The following KIAA1217 variants were observed in gnomAD, a reference collection of about 807,000 sequenced individuals.
KIAA1217 encodes KIAA1217.
A neutral mutation model predicts 163.9 loss-of-function variants in KIAA1217; 88 were observed. The ratio of observed to expected loss-of-function variants is 0.54; its 90% confidence interval spans 0.45 to 0.64. The LOEUF (loss-of-function observed/expected upper bound fraction) is 0.64. Ranked by LOEUF, KIAA1217 falls within the 30% of genes least tolerant of loss-of-function variation. The probability of loss-of-function intolerance (pLI) is 0.00; values close to 1 mark genes in which losing one functional copy is unlikely to be tolerated. For synonymous variants in KIAA1217, 903 were observed against 923.1 expected (o/e 0.98, Z 0.39); for missense variants, 2,372 against 2,475.0 (o/e 0.96, Z 0.88).
At chr10:24,363,567 G>GT (rs1176059578) in intron 2 of KIAA1217, among the ~76,000 whole-genome samples, 4,040 of 128,214 alleles carry the variant, frequency 0.032, 230 homozygotes, top group African/African-American at 0.099. Context: ...TTTTGTTTTT[G>GT]TTTTTTTTTT....
chr10:24,143,370 G>T (rs576764602), intron 2 of KIAA1217, among the ~76,000 whole-genome samples: 1 of 152,198 alleles, frequency 6.6e-6, no homozygotes, highest in Non-Finnish European at 1.5e-5. Flanking sequence ...AGGTTCAAGC[G>T]ATTCTCCTGC....
chr10:24,544,718 G>C (rs1175623353), intron 19 of KIAA1217, among the ~76,000 whole-genome samples: 1 of 152,094 alleles, frequency 6.6e-6, no homozygotes, highest in African/African-American at 2.4e-5. Context: ...ACTGGTGTTG[G>C]GTAAACACGA....
intron 1 of KIAA1217, among the ~76,000 whole-genome samples, chr10:23,785,863 A>C (rs538930411): frequency 3.3e-5 from 5 of 152,262 alleles, no homozygotes; most frequent in Non-Finnish European, 7.3e-5. Context: ...GTAAAGGAGA[A>C]AGAAAAAAAG....
At chr10:24,391,004 G>T (rs1250491586) in intron 3 of KIAA1217, among the ~76,000 whole-genome samples, 1 of 152,140 alleles carries the variant, frequency 6.6e-6, no homozygotes, top group Admixed American at 6.5e-5. Context: ...GATATCCTTA[G>T]GAATCTCTTG....
chr10:24,028,570 C>T (rs1848060827), intron 2 of KIAA1217, among the ~76,000 whole-genome samples: 1 of 152,066 alleles, frequency 6.6e-6, no homozygotes, highest in Middle Eastern at 3.4e-3. Flanking sequence ...AAATTAAATC[C>T]AGGAAAGCTG....
chr10:23,728,764 A>G (rs75362208), intron 1 of KIAA1217, among the ~76,000 whole-genome samples: 2,158 of 152,300 alleles, frequency 0.014, 46 homozygotes, highest in African/African-American at 0.046. Context: ...TTTTTAGAGC[A>G]GTTTTAAGCT....
At chr10:23,957,616 G>A (rs1028447383) in intron 1 of KIAA1217, among the ~76,000 whole-genome samples, 5 of 152,088 alleles carry the variant, frequency 3.3e-5, no homozygotes, top group African/African-American at 1.2e-4. Context: ...CAGCTACTTG[G>A]GAAACTGAGG....
intron 2 of KIAA1217, among the ~76,000 whole-genome samples, chr10:24,178,622 G>A (rs2066019865): frequency 6.6e-6 from 1 of 152,188 alleles, no homozygotes; most frequent in South Asian, 2.1e-4. Flanking sequence ...CATAAAATAA[G>A]TAAAGGGAGG....
chr10:23,950,739 G>A (rs1844300438), intron 1 of KIAA1217, among the ~76,000 whole-genome samples: 2 of 152,094 alleles, frequency 1.3e-5, no homozygotes, highest in Non-Finnish European at 2.9e-5. Context: ...GATGACATTA[G>A]AGACGGTTTA....
At chr10:23,742,107 G>C (rs538730542) in intron 1 of KIAA1217, among the ~76,000 whole-genome samples, 1 of 152,328 alleles carries the variant, frequency 6.6e-6, no homozygotes, top group South Asian at 2.1e-4. Context: ...ATAGTGCCAG[G>C]AAGTCATCGT....
At chr10:23,870,736 G>C (rs950776800) in intron 1 of KIAA1217, among the ~76,000 whole-genome samples, 3 of 152,146 alleles carry the variant, frequency 2.0e-5, no homozygotes, top group Admixed American at 6.5e-5. Flanking sequence ...CCAACTGGTA[G>C]CAACAGGCAG....
intron 1 of KIAA1217, among the ~76,000 whole-genome samples, chr10:23,852,318 T>C (rs1839389402): frequency 6.6e-6 from 1 of 152,158 alleles, no homozygotes; most frequent in South Asian, 2.1e-4. Context: ...AAAGATCAGA[T>C]AGTTGTAGAT....
intron 2 of KIAA1217, among the ~76,000 whole-genome samples, chr10:24,345,671 C>T (rs1278937943): frequency 1.3e-5 from 2 of 152,142 alleles, no homozygotes; most frequent in Non-Finnish European, 2.9e-5. Flanking sequence ...GCCATTTGAA[C>T]TTTCCTTATA....
At chr10:24,432,516 C>T (rs185374500) in intron 3 of KIAA1217, among the ~76,000 whole-genome samples, 20 of 152,110 alleles carry the variant, frequency 1.3e-4, no homozygotes, top group South Asian at 6.2e-4. Context: ...AGTGCAGTGG[C>T]GCAATCATAG....
intron 2 of KIAA1217, among the ~76,000 whole-genome samples, chr10:24,359,040 ACTTT>A (rs1289679885): frequency 1.6e-5 from 2 of 125,782 alleles, no homozygotes; most frequent in East Asian, 2.4e-4. Flanking sequence ...TCATTCTAAT[ACTTT>A]CTTTCTTTCT....
chr10:24,131,893 G>GC (rs2063665173), intron 2 of KIAA1217, among the ~76,000 whole-genome samples: 1 of 152,126 alleles, frequency 6.6e-6, no homozygotes, highest in South Asian at 2.1e-4. Context: ...TTAGAGTCTA[G>GC]CCCTCTGTGT....
At chr10:24,025,132 G>C (rs1195550611) in intron 2 of KIAA1217, among the ~76,000 whole-genome samples, 1 of 151,674 alleles carries the variant, frequency 6.6e-6, no homozygotes, top group Non-Finnish European at 1.5e-5. Context: ...TTCTCTAAAA[G>C]TTTGAATCTT....
chr10:23,745,379 A>G (rs1839345416), intron 1 of KIAA1217, among the ~76,000 whole-genome samples: 1 of 152,232 alleles, frequency 6.6e-6, no homozygotes, highest in Non-Finnish European at 1.5e-5. Flanking sequence ...TAATGTATGT[A>G]ATAACATCAC....
chr10:23,914,625 T>G (rs571032475), intron 1 of KIAA1217, among the ~76,000 whole-genome samples: 37 of 152,198 alleles, frequency 2.4e-4, no homozygotes, highest in African/African-American at 8.9e-4. Flanking sequence ...GGTTCAAAAT[T>G]TTAACATCAG....
Sources: allele counts gnomAD v4.1 joint callset (sites outside exome capture counted in the v4.1 genomes callset), GRCh38; gene constraint gnomAD v4.1.1; transcripts MANE v1.5; gene names NCBI Gene and HGNC (gene_info 2026-07-23, HGNC 2026-07-21).